VASN: variants seen among roughly 807,000 people sequenced by gnomAD.
VASN encodes vasorin.
In VASN, 5 loss-of-function variants were observed where a neutral mutation model predicts 4.8. The ratio of observed to expected loss-of-function variants is 1.03; its 90% CI spans 0.54 to 2.17. The LOEUF (loss-of-function observed/expected upper bound fraction) is 2.17, where lower values mean the gene tolerates loss of function less well. VASN is among the 30% of genes most tolerant of loss of function. VASN has a pLI of 0.01. For missense variants in VASN, 927 were observed against 948.8 expected, an observed-to-expected ratio of 0.98 and a Z score of 0.30; for synonymous variants, 499 against 460.8, an observed-to-expected ratio of 1.08 and a Z score of -1.06.
chr16:4,372,328 C>T (rs566330789), intron 1 of VASN, among the ~76,000 whole-genome samples: 6 of 152,252 alleles, frequency 3.9e-5, no homozygotes, highest in African/African-American at 1.2e-4. Flanking sequence ...ATGAATCAAA[C>T]CCCTTTGAGG....
chr16:4,382,238 C>T lies in VASN; in HGVS notation c.1361C>T (p.Thr454Ile), dbSNP rs754717382. 2 of 1,607,186 alleles carry T rather than the reference C, an allele frequency of 1.2e-6. No homozygotes were observed. Among genetic ancestry groups the T allele is most frequent in the Non-Finnish European group, 1.7e-6 (2 of 1,178,276 alleles). Residue 454 changes from threonine to isoleucine, a missense_variant, in exon 2 of 2, where the codon ACA becomes ATA. Thr to Ile is a moderately conservative substitution (Grantham distance 89, BLOSUM62 -1). Coordinates refer to ENST00000304735, the MANE Select transcript of VASN (RefSeq NM_138440.3). ...GGGCAGGGGACACGGCCCAGCCCTA[C>T]ACCAGTCACGCCGAGGCCACCACGG... ...QMGQGTRPSP[T>I]PVTPRPPRSL... is the part of the protein sequence containing the mutation.
intron 1 of VASN, among the ~76,000 whole-genome samples, chr16:4,372,234 C>T (rs1478272873): frequency 6.6e-6 from 1 of 152,156 alleles, no homozygotes; most frequent in African/African-American, 2.4e-5. Flanking sequence ...GTGCGGTGAG[C>T]CCGCGAGGCT....
At chr16:4,379,352 G>A (rs749009354) in intron 1 of VASN, among the ~76,000 whole-genome samples, 9 of 152,072 alleles carry the variant, frequency 5.9e-5, no homozygotes, top group Non-Finnish European at 1.2e-4. Context: ...CGGCCCCAGC[G>A]GTCTCCCCAG....
intron 1 of VASN, among the ~76,000 whole-genome samples, 170 bp from the exon 2 acceptor site, chr16:4,380,699 C>T (rs894312413): frequency 3.3e-5 from 5 of 152,342 alleles, no homozygotes; most frequent in South Asian, 2.1e-4. Context: ...GAGGGAGTGA[C>T]GGGGCTGGGA....
intron 1 of VASN, among the ~76,000 whole-genome samples, chr16:4,379,633 A>G (rs1397438667): frequency 6.6e-6 from 1 of 152,038 alleles, no homozygotes; most frequent in Non-Finnish European, 1.5e-5. Flanking sequence ...GTAAACACTT[A>G]GTGTTCCTTC....
Position 4,380,862 on chromosome 16 carries a change from C to T in VASN, c.-9-7C>T, listed in dbSNP as rs779778021. The T allele has an allele frequency of 3.6e-5, 54 of 1,491,070 alleles. No homozygotes were observed. The highest frequency in any genetic ancestry group is 4.7e-5 in the Non-Finnish European group (53 of 1,128,212). 92.4% of individuals were successfully genotyped at this position (1,491,070 alleles called of 1,614,324 possible). On this transcript the variant is annotated splice_polypyrimidine_tract_variant and splice_region_variant and intron_variant, in intron 1 of 1. Transcript: ENST00000304735. ...GTCTTCTGTCTCTGCCTCCTCTCTG[C>T]TCCCAGGGACAGAAGATGTGCTCCA...
rs2054539399 is a variant in VASN, at chr16:4,371,852, C to G, written c.-151C>G. 1.3e-5 allele frequency: 2 copies of G among 152,252 alleles called. No homozygotes were observed. The highest frequency in any genetic ancestry group is 4.1e-4 in the South Asian group (2 of 4,830). The allele number at this position is 152,252 out of a possible 1,614,324, so 9.4% of individuals were successfully genotyped here. A position where few individuals can be genotyped will look rare whatever the true frequency, so the allele number is the denominator to read the frequency against. ...GCGACCTGCCTCCAGCGAGCCGACT[C>G]CGGAGCCCGAGCCCGGGGCGGGTGG... is the stretch of plus-strand genomic sequence containing the variant. On this transcript the variant is annotated 5_prime_UTR_variant, in exon 1 of 2. Transcript: ENST00000304735.
At chr16:4,373,422 T>C (rs560521060) in intron 1 of VASN, among the ~76,000 whole-genome samples, 16 of 151,912 alleles carry the variant, frequency 1.1e-4, no homozygotes, top group Admixed American at 8.5e-4. Flanking sequence ...GAGGGTCAGA[T>C]GGGGATGGGG....
At chr16:4,377,589 A>G (rs1480042247) in intron 1 of VASN, among the ~76,000 whole-genome samples, 1 of 152,186 alleles carries the variant, frequency 6.6e-6, no homozygotes, top group Non-Finnish European at 1.5e-5. Context: ...CAGTTGAGAA[A>G]GGAACTCTGG....
Position 4,382,507 on chromosome 16 carries a change from C to T in VASN, c.1630C>T (p.Pro544Ser), listed in dbSNP as rs1325136474. 5 of 1,592,334 alleles carry T rather than the reference C, an allele frequency of 3.1e-6. No homozygotes were observed. Among genetic ancestry groups the T allele is most frequent in the Admixed American group, 3.5e-5 (2 of 57,652 alleles). The change falls in exon 2 of 2, where the codon CCG becomes TCG. Residue 544 changes from proline to serine, a missense_variant. Transcript: ENST00000304735. ...CATGCCTTTGGGGCCCGGGCGGGTGCCGGAGGGCGAGGAGGCCTGCGGGGA... is the reference window on the plus strand; with the variant it reads ...CATGCCTTTGGGGCCCGGGCGGGTGTCGGAGGGCGAGGAGGCCTGCGGGGA... ...CVMPLGPGRV[P>S]EGEEACGEAH...
rs542102494 is a variant in VASN, at chr16:4,378,132, C to T, written c.-9-2737C>T. ...CCTAAGAGCTGGCCTGCACACCTGG[C>T]CTTGCAGGGCTGAGGACTCCACATG... is the stretch of plus-strand genomic sequence containing the variant. On this transcript the variant is annotated intron_variant, in intron 1 of 1. Transcript: ENST00000304735. 5.9e-5 allele frequency among the ~76,000 whole-genome samples: 9 copies of T among 152,298 alleles called. No homozygotes were observed. In the South Asian group the frequency reaches 8.3e-4, roughly 14 times the overall value.
At chr16:4,378,449 A>G (rs546399516) in intron 1 of VASN, among the ~76,000 whole-genome samples, 8 of 152,150 alleles carry the variant, frequency 5.3e-5, no homozygotes, top group South Asian at 4.1e-4. Flanking sequence ...ATTCAGGCAG[A>G]GGTGGCCTCA....
chr16:4,382,137 C>A lies in VASN; in HGVS notation c.1260C>A (p.Cys420Ter). The A allele has an allele frequency of 6.3e-7, 1 of 1,590,194 alleles. No individual in the cohort carries two copies. Among genetic ancestry groups the A allele is most frequent in the Non-Finnish European group, 8.6e-7 (1 of 1,169,028 alleles). ...CCACCTGCCTCAATGGGGGCACATG[C>A]CACCTGGGGACACGGCACCACCTGG... ...PPSTCLNGGT[C>*]HLGTRHHLAC... Residue 420 changes from cysteine (C) to a stop codon, truncating the protein, a stop_gained, in exon 2 of 2, where the codon TGC (cysteine) becomes TGA (stop). Transcript: ENST00000304735. LOFTEE classifies it high-confidence loss of function.
chr16:4,382,256 C>T lies in VASN; in HGVS notation c.1379C>T (p.Pro460Leu). 2 of 1,608,220 alleles carry T rather than the reference C, an allele frequency of 1.2e-6. No individual in the cohort carries two copies. The highest frequency in any genetic ancestry group is 1.7e-6 in the Non-Finnish European group (2 of 1,178,484). The change falls in exon 2 of 2, where the codon CCA becomes CTA. Residue 460 changes from proline to leucine, a missense_variant. Coordinates refer to ENST00000304735, the MANE Select transcript of VASN (RefSeq NM_138440.3). ...RPSPTPVTPR[P>L]PRSLTLGIEP... is the part of the protein sequence containing the mutation. ...AGCCCTACACCAGTCACGCCGAGGC[C>T]ACCACGGTCCCTGACCCTGGGCATC...
At chr16:4,380,812 C>A in intron 1 of VASN, 57 bp from the exon 2 acceptor site, 1 of 1,418,466 alleles carries the variant, frequency 7.0e-7, no homozygotes, top group Non-Finnish European at 9.2e-7. Flanking sequence ...CCTGGCGTGT[C>A]TGCCTTCTAG....
At chr16:4,378,004 C>T (rs1177462377) in intron 1 of VASN, among the ~76,000 whole-genome samples, 4 of 152,194 alleles carry the variant, frequency 2.6e-5, no homozygotes, top group African/African-American at 9.7e-5. Flanking sequence ...TCCCCTCTCC[C>T]TTCACAACCT....
At chr16:4,372,166 T>A (rs2054558104) in intron 1 of VASN, among the ~76,000 whole-genome samples, 173 bp downstream of exon 1, 1 of 151,444 alleles carries the variant, frequency 6.6e-6, no homozygotes, top group Non-Finnish European at 1.5e-5. Context: ...GTACGCTCCC[T>A]CCCCCGCCGT....
intron 1 of VASN, among the ~76,000 whole-genome samples, chr16:4,378,708 G>T (rs1256141248): frequency 6.6e-6 from 1 of 152,044 alleles, no homozygotes; most frequent in Non-Finnish European, 1.5e-5. Flanking sequence ...AGGCCCTCCT[G>T]GGCTGTTCAC....
Position 4,381,027 on chromosome 16 carries a change from G to T in VASN, c.150G>T (p.Val50=). ...ARQGTTVPRD[V]PPDTVGLYVF... is the part of the protein sequence containing the mutation. ...AGGGGACCACGGTGCCCCGAGACGT[G>T]CCACCCGACACGGTGGGGCTGTACG... Residue 50 remains valine, a synonymous_variant, in exon 2 of 2, where the codon GTG becomes GTT. Transcript: ENST00000304735. The T allele has an allele frequency of 6.2e-7, 1 of 1,610,066 alleles. No homozygotes were observed.
Sources: gnomAD v4.1 joint callset for allele counts (sites outside exome capture counted in the v4.1 genomes callset) on GRCh38, gnomAD v4.1.1 for gene constraint, MANE v1.5 for transcripts, NCBI Gene and HGNC (gene_info 2026-07-23, HGNC 2026-07-21) for gene names.